Variants in PDLIM5 observed in about 807,000 individuals in gnomAD.
The protein encoded by PDLIM5 is PDZ and LIM domain protein 5.
In PDLIM5, 34 loss-of-function variants were observed where a neutral mutation model predicts 64.2. That is an observed-to-expected ratio of 0.53 (90% confidence interval 0.40 to 0.71). The LOEUF (loss-of-function observed/expected upper bound fraction) is 0.71, where lower values mean the gene tolerates loss of function less well. PDLIM5 is among the 30% of genes least tolerant of loss of function. The pLI, the probability that PDLIM5 is intolerant of heterozygous loss-of-function variation, is 0.00. For missense variants in PDLIM5, 683 were observed against 733.6 expected, an observed-to-expected ratio of 0.93 and a Z score of 0.80; for synonymous variants, 253 against 269.1, an observed-to-expected ratio of 0.94 and a Z score of 0.59.
chr4:94,553,419 T>G (rs1732991851), intron 3 of PDLIM5, among the ~76,000 whole-genome samples: 1 of 152,106 alleles, frequency 6.6e-6, no homozygotes, highest in African/African-American at 2.4e-5. Context: ...AAATGATCGG[T>G]TTTAGTTATT....
At chr4:94,599,642 T>C (rs62316476) in intron 7 of PDLIM5, among the ~76,000 whole-genome samples, 4,331 of 152,236 alleles carry the variant, frequency 0.028, 118 homozygotes, top group South Asian at 0.11. Context: ...AGTAAGGTTA[T>C]TTATTCAGTG....
At chr4:94,638,570 C>T (rs189235350) in intron 8 of PDLIM5, among the ~76,000 whole-genome samples, 1 of 152,288 alleles carries the variant, frequency 6.6e-6, no homozygotes, top group East Asian at 1.9e-4. Context: ...TTCCCAATTC[C>T]AACTACACTT....
chr4:94,658,931 G>C (rs2110499388), intron 11 of PDLIM5, among the ~76,000 whole-genome samples: 1 of 152,236 alleles, frequency 6.6e-6, no homozygotes, highest in South Asian at 2.1e-4. Context: ...AGTTTGATTT[G>C]TTTGTTTTAG....
intron 9 of PDLIM5, among the ~76,000 whole-genome samples, chr4:94,645,098 G>T (rs1741308587): frequency 6.6e-6 from 1 of 152,032 alleles, no homozygotes; most frequent in Non-Finnish European, 1.5e-5. Flanking sequence ...AGTCCTGAAA[G>T]TCCATTGTGT....
At chr4:94,535,141 G>A (rs1185571090) in intron 3 of PDLIM5, among the ~76,000 whole-genome samples, 1 of 152,098 alleles carries the variant, frequency 6.6e-6, no homozygotes, top group Non-Finnish European at 1.5e-5. Context: ...GGCAAGTATT[G>A]CAGTAACCTG....
chr4:94,498,150 G>A (rs1418396546), intron 2 of PDLIM5, among the ~76,000 whole-genome samples: 11 of 152,240 alleles, frequency 7.2e-5, no homozygotes, highest in African/African-American at 2.6e-4. Context: ...TAAGAAGCGG[G>A]CTCATTTGTA....
intron 3 of PDLIM5, among the ~76,000 whole-genome samples, chr4:94,546,404 A>C (rs1479740017): frequency 1.3e-5 from 2 of 152,222 alleles, no homozygotes; most frequent in Non-Finnish European, 2.9e-5. Flanking sequence ...AGTATAAAAA[A>C]GAAGGTAAAC....
Position 94,614,986 on chromosome 4 carries a change from T to A in PDLIM5, c.921-3018T>A, listed in dbSNP as rs545692101. ...GTAAATGTACTTATTGCTAATTTTA[T>A]TATCACCAGACCAGATATTACAGGA... is the stretch of plus-strand genomic sequence containing the variant. On this transcript the variant is annotated intron_variant, in intron 7 of 12. Transcript: ENST00000317968. 3.3e-5 allele frequency among the ~76,000 whole-genome samples: 5 copies of A among 152,312 alleles called. No homozygotes were observed. In the South Asian group the frequency reaches 1.0e-3, roughly 32 times the overall value.
chr4:94,499,224 C>T (rs546125821), intron 2 of PDLIM5, among the ~76,000 whole-genome samples: 1 of 152,138 alleles, frequency 6.6e-6, no homozygotes, highest in East Asian at 1.9e-4. Flanking sequence ...TTTACTGTTA[C>T]AATAACCACA....
At chr4:94,577,285 A>G in intron 5 of PDLIM5, 1 of 456,714 alleles carries the variant, frequency 2.2e-6, no homozygotes. Flanking sequence ...CTGAATGTTA[A>G]TTCCTGTAAT....
chr4:94,641,694 A>G (rs1223332242), intron 9 of PDLIM5, among the ~76,000 whole-genome samples: 1 of 152,244 alleles, frequency 6.6e-6, no homozygotes, highest in Non-Finnish European at 1.5e-5. Flanking sequence ...AGTATTTTGT[A>G]AGCTGCTATT....
intron 2 of PDLIM5, chr4:94,455,633 G>A: frequency 1.4e-6 from 1 of 693,006 alleles, no homozygotes; most frequent in South Asian, 1.9e-5. Flanking sequence ...CATTTAACTA[G>A]GAACAGACTG....
At chr4:94,558,434 G>T (rs942835181) in intron 3 of PDLIM5, among the ~76,000 whole-genome samples, 5 of 152,164 alleles carry the variant, frequency 3.3e-5, no homozygotes, top group Admixed American at 2.0e-4. Context: ...GCATTTAATT[G>T]TGGTAGAATG....
intron 5 of PDLIM5, 86 bp from the exon 6 acceptor site, chr4:94,585,479 T>C (rs1161659369): frequency 2.6e-6 from 2 of 776,276 alleles, no homozygotes; most frequent in Non-Finnish European, 3.8e-6. Flanking sequence ...ATTAATCATA[T>C]AAATTATAAA....
chr4:94,469,616 T>C (rs2126090342), intron 2 of PDLIM5, among the ~76,000 whole-genome samples: 1 of 152,294 alleles, frequency 6.6e-6, no homozygotes, highest in Middle Eastern at 3.4e-3. Flanking sequence ...GAGGATAACA[T>C]TGGAGGCCAT....
chr4:94,582,730 G>A (rs1334830072), intron 5 of PDLIM5: 17 of 1,573,164 alleles, frequency 1.1e-5, no homozygotes, highest in Non-Finnish European at 1.5e-5. Flanking sequence ...CCCTGGCACT[G>A]TGTAAGTACT....
Position 94,666,955 on chromosome 4 carries a change from C to A in PDLIM5, c.*2888C>A, listed in dbSNP as rs1456271294. ...CTTGGGGAATGCCATATTTAATTCA[C>A]CAGCAGTAATCCTTTAATAACTGGC... On this transcript the variant is annotated 3_prime_UTR_variant, in exon 13 of 13. Transcript: ENST00000317968. The A allele has an allele frequency of 6.6e-6, 1 of 152,182 alleles. No individual in the cohort carries two copies. Among genetic ancestry groups the A allele is most frequent in the East Asian group, 1.9e-4 (1 of 5,198 alleles). The allele number at this position is 152,182 out of a possible 1,614,324, so 9.4% of individuals were successfully genotyped here. A position where few individuals can be genotyped will look rare whatever the true frequency, so the allele number is the denominator to read the frequency against.
At chr4:94,637,384 C>T (rs151255373) in intron 8 of PDLIM5, among the ~76,000 whole-genome samples, 6,918 of 152,104 alleles carry the variant, frequency 0.045, 199 homozygotes, top group Non-Finnish European at 0.063. Context: ...CATGGTGAAA[C>T]CTCATCTCTA....
At chr4:94,527,841 G>C (rs1166316201) in intron 3 of PDLIM5, among the ~76,000 whole-genome samples, 1 of 152,198 alleles carries the variant, frequency 6.6e-6, no homozygotes, top group Non-Finnish European at 1.5e-5. Context: ...TGAGTAAACA[G>C]AGAAGAGGGC....
Sources: allele counts gnomAD v4.1 joint callset (sites outside exome capture counted in the v4.1 genomes callset), GRCh38; gene constraint gnomAD v4.1.1; transcripts MANE v1.5; gene names NCBI Gene and HGNC (gene_info 2026-07-23, HGNC 2026-07-21).